COBL: variants seen among roughly 807,000 people sequenced by gnomAD.
COBL encodes cordon-bleu WH2 repeat protein.
Under a neutral mutation model 98.8 loss-of-function variants are expected in COBL, and 51 were observed. That is an observed-to-expected ratio of 0.52 (90% confidence interval 0.41 to 0.65). The LOEUF (loss-of-function observed/expected upper bound fraction) is 0.65, where lower values mean the gene tolerates loss of function less well. COBL is among the 30% of genes least tolerant of loss of function. The pLI is 0.00. For missense variants in COBL, 1,617 were observed against 1,617.5 expected (o/e 1.00, Z 0.01); for synonymous variants, 634 against 651.7 (o/e 0.97, Z 0.41).
Position 51,203,387 on chromosome 7 carries a change from G to A in COBL, c.246-9798C>T, listed in dbSNP as rs1251206844. ...TGAGGCAGGAGAATGGCGTGAACCC[G>A]GGAGGCGGAGCTTGCAGTGAGCCGA... On this transcript the variant is annotated intron_variant, in intron 2 of 12. Coordinates refer to ENST00000265136, the MANE Select transcript of COBL (RefSeq NM_015198.5). Among the ~76,000 whole-genome samples the A allele has an allele frequency of 7.0e-5, 8 of 114,750 alleles. 1 individual carries two copies. In the South Asian group the frequency reaches 1.4e-3, roughly 20 times the overall value. The allele number at this position is 114,750 out of a possible 152,430, so 75.3% of individuals were successfully genotyped here.
intron 7 of COBL, among the ~76,000 whole-genome samples, chr7:51,069,012 C>T (rs1013907587): frequency 3.9e-5 from 6 of 152,168 alleles, no homozygotes; most frequent in African/African-American, 1.4e-4. Context: ...ACGTTGCCCT[C>T]GGCCTGATCG....
At chr7:51,306,914 G>A (rs1203058394) in intron 1 of COBL, among the ~76,000 whole-genome samples, 1 of 152,178 alleles carries the variant, frequency 6.6e-6, no homozygotes, top group Non-Finnish European at 1.5e-5. Context: ...ATCCTGCAGG[G>A]AGCTAGAGCA....
At chr7:51,090,596 A>G (rs554333248) in intron 6 of COBL, among the ~76,000 whole-genome samples, 324 of 152,306 alleles carry the variant, frequency 2.1e-3, no homozygotes, top group African/African-American at 7.5e-3. Context: ...AGCTACTGAG[A>G]AAAAAGGAGC....
chr7:51,040,575 T>C (rs1789083900), intron 8 of COBL, among the ~76,000 whole-genome samples: 3 of 152,332 alleles, frequency 2.0e-5, no homozygotes, highest in Middle Eastern at 3.4e-3. Context: ...CTCTGATAGA[T>C]AGGTGGCATA....
chr7:51,018,905 AAT>A (rs71018490), intron 12 of COBL, among the ~76,000 whole-genome samples: 180 of 34,328 alleles, frequency 5.2e-3, no homozygotes, highest in African/African-American at 5.9e-3. Context: ...AAAAAAAAAA[AAT>A]ATATATATAT....
At chr7:51,310,018 C>T (rs1373122756) in intron 1 of COBL, among the ~76,000 whole-genome samples, 1 of 152,208 alleles carries the variant, frequency 6.6e-6, no homozygotes, top group Non-Finnish European at 1.5e-5. Context: ...AGCCTGAGAC[C>T]CCAGGTGAGG....
chr7:51,076,081 G>A (rs555376955), intron 7 of COBL, among the ~76,000 whole-genome samples: 5 of 152,322 alleles, frequency 3.3e-5, no homozygotes, highest in Admixed American at 6.5e-5. Context: ...GCCAGGGAAG[G>A]AAAGTGGCAA....
intron 1 of COBL, among the ~76,000 whole-genome samples, chr7:51,288,667 T>G (rs1800600492): frequency 6.6e-6 from 1 of 151,928 alleles, no homozygotes; most frequent in African/African-American, 2.4e-5. Flanking sequence ...GGCAGGAGAA[T>G]CGCTTAAACC....
chr7:51,213,336 G>A lies in COBL; in HGVS notation c.245+6405C>T, dbSNP rs143656094. ...CCTGAGCTCCATCTCCCGTCCAACC[G>A]CAGTGGCATTCGATTCTCATAGGAG... is the stretch of plus-strand genomic sequence containing the variant. On this transcript the variant is annotated intron_variant, in intron 2 of 12. Coordinates refer to ENST00000265136, the MANE Select transcript of COBL (RefSeq NM_015198.5). 3.9e-3 allele frequency among the ~76,000 whole-genome samples: 600 copies of A among 152,308 alleles called. 1 individual carries two copies. The highest frequency in any genetic ancestry group is 0.014 in the Middle Eastern group (4 of 294).
chr7:51,029,725 GT>G, intron 9 of COBL, 134 bp from the exon 10 acceptor site: 1 of 732,004 alleles, frequency 1.4e-6, no homozygotes, highest in South Asian at 2.3e-5. Context: ...TGTTATTTGG[GT>G]TTGTAATCTA....
At chr7:51,195,957 ACTTCCTCT>A (rs1790553332) in intron 2 of COBL, among the ~76,000 whole-genome samples, 1 of 152,098 alleles carries the variant, frequency 6.6e-6, no homozygotes, top group Non-Finnish European at 1.5e-5. Flanking sequence ...AGATAGTTTG[ACTTCCTCT>A]CTTCCTATTT....
intron 5 of COBL, among the ~76,000 whole-genome samples, chr7:51,143,868 G>T (rs1330716279): frequency 6.6e-6 from 1 of 152,118 alleles, no homozygotes; most frequent in Non-Finnish European, 1.5e-5. Context: ...CCTCTCTTCT[G>T]GGGGAGCAGA....
At chr7:51,085,428 G>T in intron 6 of COBL, 124 bp from the exon 7 acceptor site, 2 of 1,076,920 alleles carry the variant, frequency 1.9e-6, no homozygotes, top group Non-Finnish European at 2.6e-6. Context: ...CTCCAGGAGG[G>T]TTGTTAGATG....
At chr7:51,175,538 C>A (rs996166929) in intron 5 of COBL, among the ~76,000 whole-genome samples, 1 of 152,232 alleles carries the variant, frequency 6.6e-6, no homozygotes, top group Admixed American at 6.5e-5. Context: ...AGGTTTGATA[C>A]ATCGTTAATG....
intron 5 of COBL, among the ~76,000 whole-genome samples, chr7:51,169,156 AC>A (rs1261435949): frequency 6.6e-6 from 1 of 152,104 alleles, no homozygotes; most frequent in African/African-American, 2.4e-5. Flanking sequence ...GGTATCCACA[AC>A]CCCTTATTTT....
At chr7:51,053,677 C>T (rs1046705427) in intron 7 of COBL, among the ~76,000 whole-genome samples, 7 of 152,208 alleles carry the variant, frequency 4.6e-5, no homozygotes, top group Non-Finnish European at 1.0e-4. Context: ...TCATCCCAAG[C>T]GCCCGTCCCT....
At chr7:51,281,360 T>C (rs2129176516) in intron 1 of COBL, among the ~76,000 whole-genome samples, 1 of 152,264 alleles carries the variant, frequency 6.6e-6, no homozygotes, top group Admixed American at 6.5e-5. Flanking sequence ...GGAAAAATAA[T>C]GTGGTACACA....
At chr7:51,208,495 T>C (rs1192079809) in intron 2 of COBL, among the ~76,000 whole-genome samples, 1 of 149,180 alleles carries the variant, frequency 6.7e-6, no homozygotes, top group African/African-American at 2.5e-5. Flanking sequence ...GGGGCGCCTC[T>C]GCCCGGCTGC....
chr7:51,195,175 CTTGAG>C (rs1485326588), intron 2 of COBL, among the ~76,000 whole-genome samples: 2 of 152,126 alleles, frequency 1.3e-5, no homozygotes, highest in African/African-American at 2.4e-5. Context: ...TTTAATCCAT[CTTGAG>C]TTATCTTTTG....
Sources: gnomAD v4.1 joint callset for allele counts (sites outside exome capture counted in the v4.1 genomes callset) on GRCh38, gnomAD v4.1.1 for gene constraint, MANE v1.5 for transcripts, NCBI Gene and HGNC (gene_info 2026-07-23, HGNC 2026-07-21) for gene names.